The following GABRB3 variants were observed in gnomAD, a reference collection of about 807,000 sequenced individuals.
The protein encoded by GABRB3 is gamma-aminobutyric acid receptor subunit beta-3.
GABRB3 carries 14 observed loss-of-function variants against 52.1 expected under a neutral mutation model. That is an observed-to-expected ratio of 0.27 (90% CI 0.18 to 0.42). The LOEUF is 0.42. GABRB3 is among the 10% of genes least tolerant of loss of function. The probability of loss-of-function intolerance (pLI) is 1.00; values close to 1 mark genes in which losing one functional copy is unlikely to be tolerated. For missense variants in GABRB3, 307 were observed against 609.1 expected, an observed-to-expected ratio of 0.50 and a Z score of 5.22; for synonymous variants, 260 against 232.3, an observed-to-expected ratio of 1.12 and a Z score of -1.08.
At chr15:26,648,113 C>T (rs1887071776) in intron 3 of GABRB3, among the ~76,000 whole-genome samples, 1 of 152,180 alleles carries the variant, frequency 6.6e-6, no homozygotes, top group Admixed American at 6.5e-5. Context: ...ATCACCCCAA[C>T]TGGAACTCTG....
At chr15:26,552,101 G>A (rs917472318) in intron 8 of GABRB3, among the ~76,000 whole-genome samples, 1 of 152,030 alleles carries the variant, frequency 6.6e-6, no homozygotes, top group African/African-American at 2.4e-5. Flanking sequence ...CCTCCTCCTG[G>A]GTTCAAGCGA....
chr15:26,607,103 T>G (rs915887626), intron 4 of GABRB3, among the ~76,000 whole-genome samples: 3 of 152,130 alleles, frequency 2.0e-5, no homozygotes, highest in Non-Finnish European at 4.4e-5. Flanking sequence ...TGTACCTCAC[T>G]TCTGATTCCC....
chr15:26,615,229 G>T, intron 4 of GABRB3: 1 of 941,422 alleles, frequency 1.1e-6, no homozygotes, highest in Non-Finnish European at 1.3e-6. Flanking sequence ...ACAGGACAAA[G>T]GACCATTAGT....
intron 3 of GABRB3, among the ~76,000 whole-genome samples, chr15:26,709,658 C>T (rs1391404127): frequency 6.6e-6 from 1 of 151,564 alleles, no homozygotes; most frequent in Non-Finnish European, 1.5e-5. Flanking sequence ...GCTGGGACTC[C>T]AGGTGCCCAC....
At chr15:26,642,482 G>T in intron 3 of GABRB3, 1 of 1,288,860 alleles carries the variant, frequency 7.8e-7, no homozygotes. Context: ...TATAAGCCAC[G>T]TTAGTTCCAC....
At chr15:26,570,423 G>A (rs1313866762) in intron 6 of GABRB3, among the ~76,000 whole-genome samples, 1 of 152,192 alleles carries the variant, frequency 6.6e-6, no homozygotes, top group Non-Finnish European at 1.5e-5. Context: ...CGCCCTCCTG[G>A]CTCTGGGCCT....
rs751719249 is a variant in GABRB3 at position 26,772,984 on chromosome 15, G to A, written c.-22C>T. ...ACATCCCTCCGCCGCGCCCCGGCAC[G>A]GGGGAGGGGGCGCCCCGCCGCCGTC... On this transcript the variant is annotated 5_prime_UTR_variant, in exon 1 of 9. Coordinates refer to ENST00000311550, the MANE Select transcript of GABRB3 (RefSeq NM_000814.6). 2 of 1,367,982 alleles carry A rather than the reference G, an allele frequency of 1.5e-6. No homozygotes were observed. Among genetic ancestry groups the A allele is most frequent in the Non-Finnish European group, 1.9e-6 (2 of 1,050,806 alleles). The allele number at this position is 1,367,982 out of a possible 1,614,324, so 84.7% of individuals were successfully genotyped here.
chr15:26,703,316 A>G (rs751981104), intron 3 of GABRB3, among the ~76,000 whole-genome samples: 9 of 152,140 alleles, frequency 5.9e-5, no homozygotes, highest in Admixed American at 1.3e-4. Flanking sequence ...CAGAAAACCA[A>G]TCCCTCAGTC....
chr15:26,698,194 T>C (rs1005742047), intron 3 of GABRB3, among the ~76,000 whole-genome samples: 7 of 152,214 alleles, frequency 4.6e-5, no homozygotes, highest in Admixed American at 2.6e-4. Flanking sequence ...GACAGATGGA[T>C]TGACATGAAT....
rs1567098051 is a variant in GABRB3 at position 26,554,208 on chromosome 15, TAG to T, written c.1081-6076_1081-6075del. Among the ~76,000 whole-genome samples, 220 of 74,820 alleles carry T rather than the reference TAG, an allele frequency of 2.9e-3. 14 individuals carry two copies. The highest frequency in any genetic ancestry group is 5.1e-3 in the African/African-American group (119 of 23,156). The allele number at this position is 74,820 out of a possible 152,430, so 49.1% of individuals were successfully genotyped here. A position where few individuals can be genotyped will look rare whatever the true frequency, so the allele number is the denominator to read the frequency against. ...TATATATACTATATATATATATATA[TAG>T]TAGAAACAAGGTCTCTCTTTGTTGC... On this transcript the variant is annotated intron_variant, in intron 8 of 8. Transcript: ENST00000311550.
intron 3 of GABRB3, among the ~76,000 whole-genome samples, chr15:26,720,808 C>T (rs1889623622): frequency 6.6e-6 from 1 of 152,180 alleles, no homozygotes; most frequent in Non-Finnish European, 1.5e-5. Flanking sequence ...TGCTGAGGAA[C>T]AGGAACACCT....
chr15:26,759,910 A>G (rs1439847128), intron 3 of GABRB3, among the ~76,000 whole-genome samples: 1 of 152,272 alleles, frequency 6.6e-6, no homozygotes, highest in Non-Finnish European at 1.5e-5. Flanking sequence ...CAAGAGAAAC[A>G]TTTGAATAGC....
At chr15:26,624,898 A>G (rs1428495670) in intron 3 of GABRB3, 2 of 985,348 alleles carry the variant, frequency 2.0e-6, no homozygotes, top group Non-Finnish European at 1.2e-6. Flanking sequence ...TGCAGTGGTG[A>G]GCACTGAGCC....
chr15:26,670,476 G>T (rs1025942093), intron 3 of GABRB3, among the ~76,000 whole-genome samples: 1 of 152,134 alleles, frequency 6.6e-6, no homozygotes, highest in Non-Finnish European at 1.5e-5. Context: ...GCGCGGCTTC[G>T]GAGCACGGCC....
intron 3 of GABRB3, among the ~76,000 whole-genome samples, chr15:26,693,802 C>T (rs551740323): frequency 2.5e-4 from 38 of 152,344 alleles, no homozygotes; most frequent in African/African-American, 8.4e-4. Context: ...GTAGATGGAG[C>T]ATAGCCTACC....
chr15:26,757,340 T>C (rs1292376632), intron 3 of GABRB3, among the ~76,000 whole-genome samples: 2 of 152,128 alleles, frequency 1.3e-5, no homozygotes, highest in African/African-American at 4.8e-5. Context: ...TAATTATTCA[T>C]TCTTCACACA....
intron 4 of GABRB3, among the ~76,000 whole-genome samples, chr15:26,605,150 T>A (rs1001262176): frequency 1.7e-4 from 26 of 151,956 alleles, no homozygotes; most frequent in Admixed American, 1.4e-3. Flanking sequence ...GGCAAACAGG[T>A]ATACAAAAGG....
At chr15:26,686,755 T>G (rs1483798607) in intron 3 of GABRB3, among the ~76,000 whole-genome samples, 4 of 152,248 alleles carry the variant, frequency 2.6e-5, no homozygotes, top group Non-Finnish European at 4.4e-5. Flanking sequence ...ACAGTGACGC[T>G]ACCAGGCCAC....
chr15:26,616,271 C>T (rs1892253122), intron 4 of GABRB3, among the ~76,000 whole-genome samples: 1 of 152,098 alleles, frequency 6.6e-6, no homozygotes, highest in Admixed American at 6.5e-5. Flanking sequence ...ACAAATGGTA[C>T]TGAAGTTTAT....
Sources: allele counts gnomAD v4.1 joint callset (sites outside exome capture counted in the v4.1 genomes callset), GRCh38; gene constraint gnomAD v4.1.1; transcripts MANE v1.5; gene names NCBI Gene and HGNC (gene_info 2026-07-23, HGNC 2026-07-21).